The following TBC1D9 variants were observed in gnomAD, a reference collection of about 807,000 sequenced individuals.
The protein encoded by TBC1D9 is TBC1 domain family member 9A.
In TBC1D9, 63 loss-of-function variants were observed where a neutral mutation model predicts 132.0. The ratio of observed to expected loss-of-function variants is 0.48; its 90% CI spans 0.39 to 0.59. The LOEUF is 0.59. Ranked by LOEUF, TBC1D9 falls within the 20% of genes least tolerant of loss-of-function variation. The probability of loss-of-function intolerance (pLI) is 0.00; values close to 1 mark genes in which losing one functional copy is unlikely to be tolerated. For missense variants in TBC1D9, 1,261 were observed against 1,592.7 expected, an observed-to-expected ratio of 0.79 and a Z score of 3.54; for synonymous variants, 610 against 609.9, an observed-to-expected ratio of 1.00 and a Z score of 0.00.
chr4:140,709,262 A>T (rs982095283), intron 1 of TBC1D9, among the ~76,000 whole-genome samples: 150 of 143,734 alleles, frequency 1.0e-3, no homozygotes, highest in East Asian at 1.0e-2. Context: ...ACACACACAC[A>T]CACACACACA....
chr4:140,662,497 T>C (rs1157623956), intron 9 of TBC1D9, among the ~76,000 whole-genome samples: 1 of 152,248 alleles, frequency 6.6e-6, no homozygotes, highest in African/African-American at 2.4e-5. Flanking sequence ...GCTTTGCTTT[T>C]ATTTTATTGT....
intron 13 of TBC1D9, among the ~76,000 whole-genome samples, chr4:140,639,771 C>T (rs1214810797): frequency 6.6e-6 from 1 of 152,198 alleles, no homozygotes; most frequent in Non-Finnish European, 1.5e-5. Context: ...CTAAGGCTAA[C>T]AATTAGACTA....
At chr4:140,719,098 G>A (rs1424502721) in intron 1 of TBC1D9, among the ~76,000 whole-genome samples, 1 of 150,450 alleles carries the variant, frequency 6.6e-6, no homozygotes, top group African/African-American at 2.5e-5. Context: ...CTGGGCGACA[G>A]AGCAGGACTC....
rs1737779214 is a variant in TBC1D9 at position 140,686,329 on chromosome 4, C to G, written c.360+15G>C. On this transcript the variant is annotated intron_variant, in intron 3 of 20. Coordinates refer to ENST00000442267, the MANE Select transcript of TBC1D9 (RefSeq NM_015130.3). Reference sequence around the variant, plus strand: ...AATTATTTCCAATTAAAATGTTTTTCTTTTATCCCACTACCTGTATTTTTC... The same window carrying G: ...AATTATTTCCAATTAAAATGTTTTTGTTTTATCCCACTACCTGTATTTTTC... The G allele has an allele frequency of 7.4e-7, 1 of 1,343,872 alleles. No individual in the cohort carries two copies. Among genetic ancestry groups the G allele is most frequent in the East Asian group, 2.3e-5 (1 of 43,280 alleles). The allele number at this position is 1,343,872 out of a possible 1,614,324, so 83.2% of individuals were successfully genotyped here.
At chr4:140,723,732 G>A (rs907166294) in intron 1 of TBC1D9, among the ~76,000 whole-genome samples, 2 of 151,920 alleles carry the variant, frequency 1.3e-5, no homozygotes, top group African/African-American at 4.8e-5. Flanking sequence ...ACAAACTGTC[G>A]TATATTTATT....
intron 2 of TBC1D9, among the ~76,000 whole-genome samples, chr4:140,693,971 G>C (rs1737913481): frequency 6.6e-6 from 1 of 152,178 alleles, no homozygotes; most frequent in Admixed American, 6.5e-5. Flanking sequence ...TATTTTACTG[G>C]ATAGTGGGAA....
chr4:140,698,492 T>C (rs2111036679), intron 2 of TBC1D9, among the ~76,000 whole-genome samples: 1 of 152,280 alleles, frequency 6.6e-6, no homozygotes, highest in African/African-American at 2.4e-5. Flanking sequence ...GGCTCATGCC[T>C]GTAATCCCAG....
chr4:140,728,065 T>C (rs1048532779), intron 1 of TBC1D9, among the ~76,000 whole-genome samples: 3 of 152,228 alleles, frequency 2.0e-5, no homozygotes, highest in Admixed American at 6.5e-5. Flanking sequence ...CTAGCTCCTA[T>C]AGGAGGAAGG....
intron 1 of TBC1D9, among the ~76,000 whole-genome samples, chr4:140,707,458 C>T (rs1738166262): frequency 6.6e-6 from 1 of 152,168 alleles, no homozygotes; most frequent in African/African-American, 2.4e-5. Flanking sequence ...AGACTTTTGG[C>T]TCAGTACTTC....
chr4:140,677,542 G>C (rs1255179061), intron 5 of TBC1D9, among the ~76,000 whole-genome samples: 2 of 152,136 alleles, frequency 1.3e-5, no homozygotes, highest in African/African-American at 4.8e-5. Context: ...CGACAACAAA[G>C]CTGCAGGAAA....
rs1231874557 is a variant in TBC1D9 at position 140,621,292 on chromosome 4, G to A, written c.*903C>T. ...CTATGGAGAATACGGAAATGGTAAA[G>A]TTGACTGTTTTACTTATGTTTTTGC... On this transcript the variant is annotated 3_prime_UTR_variant, in exon 21 of 21. Transcript: ENST00000442267. 6.6e-6 allele frequency: 1 copy of A among 152,566 alleles called. No individual in the cohort carries two copies. Among genetic ancestry groups the A allele is most frequent in the Non-Finnish European group, 1.5e-5 (1 of 68,030 alleles). The allele number at this position is 152,566 out of a possible 1,614,324, so 9.5% of individuals were successfully genotyped here. A position where few individuals can be genotyped will look rare whatever the true frequency, so the allele number is the denominator to read the frequency against.
chr4:140,738,713 A>G (rs1738714196), intron 1 of TBC1D9, among the ~76,000 whole-genome samples: 1 of 152,218 alleles, frequency 6.6e-6, no homozygotes, highest in African/African-American at 2.4e-5. Flanking sequence ...CATACAAACA[A>G]GTCTTTCCTT....
chr4:140,677,050 C>T lies in TBC1D9; in HGVS notation c.903G>A (p.Leu301=), dbSNP rs753287744. 1.2e-6 allele frequency: 2 copies of T among 1,613,936 alleles called. No homozygotes were observed. The highest frequency in any genetic ancestry group is 1.7e-6 in the Non-Finnish European group (2 of 1,179,874). Residue 301 remains leucine (L), a synonymous_variant, in exon 6 of 21, where the codon CTG becomes CTA. Transcript: ENST00000442267. ...KSERYRALFR[L]PKDEKLDGHT... Reference sequence around the variant, plus strand: ...GGCCATCTAATTTTTCATCTTTGGGCAGCCGGAAAAGTGCACGGTATCTCT... The same window carrying T: ...GGCCATCTAATTTTTCATCTTTGGGTAGCCGGAAAAGTGCACGGTATCTCT...
chr4:140,722,531 G>A (rs1158333916), intron 1 of TBC1D9, among the ~76,000 whole-genome samples: 1 of 152,144 alleles, frequency 6.6e-6, no homozygotes, highest in East Asian at 1.9e-4. Context: ...TCTGGCACTG[G>A]GCTGGGTCCT....
chr4:140,681,532 G>T (rs1007190753), intron 3 of TBC1D9, among the ~76,000 whole-genome samples: 2 of 152,074 alleles, frequency 1.3e-5, no homozygotes, highest in African/African-American at 4.8e-5. Flanking sequence ...AACAGCAAAT[G>T]GTGGGCTTAC....
At chr4:140,742,531 C>CAAAAAA (rs35891616) in intron 1 of TBC1D9, among the ~76,000 whole-genome samples, 2 of 63,450 alleles carry the variant, frequency 3.2e-5, no homozygotes, top group Non-Finnish European at 5.7e-5. Context: ...GACTCTGTCT[C>CAAAAAA]AAAAAAAAAA....
At chr4:140,642,755 T>C in intron 13 of TBC1D9, 1 of 647,508 alleles carries the variant, frequency 1.5e-6, no homozygotes, top group Non-Finnish European at 2.7e-6. Flanking sequence ...CAGCTCATAG[T>C]CATCTGATGT....
intron 1 of TBC1D9, among the ~76,000 whole-genome samples, chr4:140,734,280 C>T (rs564581113): frequency 1.3e-5 from 2 of 152,276 alleles, no homozygotes; most frequent in African/African-American, 4.8e-5. Flanking sequence ...TGGCACGTGT[C>T]ACCACACTCA....
intron 9 of TBC1D9, among the ~76,000 whole-genome samples, chr4:140,664,172 C>T (rs1280948728): frequency 6.6e-6 from 1 of 151,820 alleles, no homozygotes; most frequent in Non-Finnish European, 1.5e-5. Context: ...CAAATTAATA[C>T]ACCTTAAATA....
Sources: gnomAD v4.1 joint callset for allele counts (sites outside exome capture counted in the v4.1 genomes callset) on GRCh38, gnomAD v4.1.1 for gene constraint, MANE v1.5 for transcripts, NCBI Gene and HGNC (gene_info 2026-07-23, HGNC 2026-07-21) for gene names.